The following RALYL variants were observed in gnomAD, a reference collection of about 807,000 sequenced individuals.
RALYL encodes the protein RNA-binding Raly-like protein.
Under a neutral mutation model 35.1 loss-of-function variants are expected in RALYL, and 29 were observed. The ratio of observed to expected loss-of-function variants is 0.83; its 90% CI spans 0.61 to 1.13. RALYL has a LOEUF of 1.13. Ranked by LOEUF, RALYL falls within the 50% of genes most tolerant of loss-of-function variation. RALYL has a pLI of 0.00. For missense variants in RALYL, 359 were observed against 360.4 expected (o/e 1.00, Z 0.03); for synonymous variants, 120 against 127.6 (o/e 0.94, Z 0.40).
chr8:84,699,025 GATAGAT>G (rs1839713587), intron 2 of RALYL, among the ~76,000 whole-genome samples: 4 of 151,526 alleles, frequency 2.6e-5, no homozygotes, highest in African/African-American at 9.7e-5. Context: ...TAGATAGATA[GATAGAT>G]AGATAGATAG....
intron 1 of RALYL, among the ~76,000 whole-genome samples, chr8:84,487,991 G>A (rs187913380): frequency 3.3e-5 from 5 of 152,118 alleles, no homozygotes; most frequent in African/African-American, 9.6e-5. Context: ...GTGAGATTAT[G>A]AAACATTAAC....
chr8:84,467,550 G>A (rs927482107), intron 1 of RALYL, among the ~76,000 whole-genome samples: 19 of 149,582 alleles, frequency 1.3e-4, no homozygotes, highest in Non-Finnish European at 2.7e-4. Context: ...GCTGAGGAGA[G>A]CTTTACTTCC....
chr8:84,577,400 G>T (rs79255102), intron 2 of RALYL, among the ~76,000 whole-genome samples: 3,297 of 152,262 alleles, frequency 0.022, 142 homozygotes, highest in African/African-American at 0.075. Flanking sequence ...ATGGTGGGTG[G>T]TAAAGAAAAG....
intron 1 of RALYL, among the ~76,000 whole-genome samples, chr8:84,206,314 T>G (rs1818036189): frequency 6.6e-6 from 1 of 152,134 alleles, no homozygotes; most frequent in Admixed American, 6.6e-5. Context: ...GATCTGGAGG[T>G]AACTTCAGCC....
intron 1 of RALYL, among the ~76,000 whole-genome samples, chr8:84,324,629 TA>T (rs1167527492): frequency 6.6e-6 from 1 of 152,006 alleles, no homozygotes; most frequent in Non-Finnish European, 1.5e-5. Flanking sequence ...TTTATTTTTT[TA>T]AAAAATTAAT....
chr8:84,896,046 C>A (rs1340901310), intron 8 of RALYL, among the ~76,000 whole-genome samples: 1 of 152,178 alleles, frequency 6.6e-6, no homozygotes, highest in Admixed American at 6.6e-5. Flanking sequence ...AGGAGCATAT[C>A]TGATGATGTG....
intron 2 of RALYL, among the ~76,000 whole-genome samples, chr8:84,661,174 C>A (rs1272048373): frequency 2.0e-5 from 3 of 151,994 alleles, no homozygotes; most frequent in Non-Finnish European, 4.4e-5. Context: ...ATGATCCTCC[C>A]ACCTCGGCCT....
intron 2 of RALYL, among the ~76,000 whole-genome samples, chr8:84,567,563 G>A (rs1588221496): frequency 6.6e-6 from 1 of 151,514 alleles, no homozygotes; most frequent in African/African-American, 2.4e-5. Context: ...AGTATTCCTT[G>A]GTGTGTATAT....
intron 2 of RALYL, among the ~76,000 whole-genome samples, chr8:84,605,631 G>A (rs544173117): frequency 3.9e-5 from 6 of 152,160 alleles, no homozygotes; most frequent in African/African-American, 1.2e-4. Flanking sequence ...GCATCATTGT[G>A]TACATTGGGT....
chr8:84,535,365 A>T (rs1042779210), intron 2 of RALYL, among the ~76,000 whole-genome samples: 2 of 151,790 alleles, frequency 1.3e-5, no homozygotes, highest in Admixed American at 1.3e-4. Context: ...GAGAGTAAAA[A>T]GTTACTCTCA....
chr8:84,509,781 G>A (rs980110270), intron 1 of RALYL, among the ~76,000 whole-genome samples: 2 of 152,070 alleles, frequency 1.3e-5, no homozygotes, highest in Middle Eastern at 3.2e-3. Context: ...ACTATGTTAT[G>A]GTCTATAGTT....
At chr8:84,603,003 T>C (rs868454175) in intron 2 of RALYL, among the ~76,000 whole-genome samples, 2 of 152,172 alleles carry the variant, frequency 1.3e-5, no homozygotes, top group Middle Eastern at 6.8e-3. Context: ...GATTGAAATG[T>C]CCTAGACATA....
intron 2 of RALYL, among the ~76,000 whole-genome samples, chr8:84,704,058 A>G (rs1202542858): frequency 4.6e-5 from 7 of 152,220 alleles, no homozygotes; most frequent in Non-Finnish European, 1.0e-4. Context: ...ATAAACATGA[A>G]TTGGCTCTTG....
At chr8:84,651,252 T>A (rs1219654252) in intron 2 of RALYL, among the ~76,000 whole-genome samples, 1 of 151,530 alleles carries the variant, frequency 6.6e-6, no homozygotes, top group African/African-American at 2.4e-5. Context: ...TAAAATAAAA[T>A]AAAATTTATT....
chr8:84,773,991 G>A (rs977459056), intron 2 of RALYL, among the ~76,000 whole-genome samples: 5 of 152,160 alleles, frequency 3.3e-5, no homozygotes, highest in Non-Finnish European at 7.3e-5. Context: ...GGCTGAGGCA[G>A]GAGAATTGCT....
intron 1 of RALYL, among the ~76,000 whole-genome samples, chr8:84,464,433 T>C (rs571589271): frequency 2.4e-4 from 37 of 151,474 alleles, no homozygotes; most frequent in Non-Finnish European, 4.9e-4. Flanking sequence ...AGAATGATGA[T>C]TTCCAATTTC....
intron 1 of RALYL, among the ~76,000 whole-genome samples, chr8:84,416,993 T>C (rs1478468307): frequency 6.6e-6 from 1 of 152,184 alleles, no homozygotes; most frequent in Admixed American, 6.6e-5. Flanking sequence ...TCTTCCTTTT[T>C]TCCTTCCTTT....
chr8:84,343,029 A>T (rs1247468668), intron 1 of RALYL, among the ~76,000 whole-genome samples: 3 of 152,040 alleles, frequency 2.0e-5, no homozygotes, highest in African/African-American at 7.2e-5. Flanking sequence ...TAAAGAAGTC[A>T]CTCTTCATTC....
chr8:84,620,668 C>T (rs1288160528), intron 2 of RALYL, among the ~76,000 whole-genome samples: 1 of 152,114 alleles, frequency 6.6e-6, no homozygotes, highest in Non-Finnish European at 1.5e-5. Flanking sequence ...AGGAGAGGCA[C>T]TCTGCTTTTT....
Sources: allele counts gnomAD v4.1 joint callset (sites outside exome capture counted in the v4.1 genomes callset), GRCh38; gene constraint gnomAD v4.1.1; transcripts MANE v1.5; gene names NCBI Gene and HGNC (gene_info 2026-07-23, HGNC 2026-07-21).